Variants in NAT10 observed in about 807,000 individuals in gnomAD.
The protein encoded by NAT10 is N-acetyltransferase 10.
Under a neutral mutation model 132.2 loss-of-function variants are expected in NAT10, and 109 were observed. The ratio of observed to expected loss-of-function variants is 0.82; its 90% CI spans 0.71 to 0.97. NAT10 has a LOEUF of 0.97. Among genes scored for constraint, NAT10 ranks in the 50% least tolerant of loss-of-function variants. The probability of loss-of-function intolerance (pLI) is 0.00; values close to 1 mark genes in which losing one functional copy is unlikely to be tolerated. For missense variants in NAT10, 1,184 were observed against 1,263.4 expected (o/e 0.94, Z 0.95); for synonymous variants, 479 against 478.0 (o/e 1.00, Z -0.03).
At chr11:34,131,303 A>G (rs1171179846) in intron 13 of NAT10, 78 bp from the exon 14 acceptor site, 1 of 1,518,692 alleles carries the variant, frequency 6.6e-7, no homozygotes, top group East Asian at 2.3e-5. Flanking sequence ...TATAAAGTGA[A>G]ACATTTTTCC....
intron 3 of NAT10, 40 bp from the exon 4 acceptor site, chr11:34,112,012 G>A (rs1419361725): frequency 1.2e-6 from 2 of 1,610,500 alleles, no homozygotes; most frequent in Non-Finnish European, 1.7e-6. Context: ...AGCTGCTCTG[G>A]TTAACTGGCT....
chr11:34,118,443 G>A lies in NAT10; in HGVS notation c.720G>A (p.Glu240=), dbSNP rs367962262. The change falls in exon 8 of 29, where the codon GAG becomes GAA. Residue 240 remains glutamate, a synonymous_variant. Coordinates refer to ENST00000257829, the MANE Select transcript of NAT10 (RefSeq NM_024662.3). ...PSDLELRELK[E]SLQDTQPVGV... ...ATCTGGAGCTGAGGGAGTTGAAGGA[G>A]AGCTTGCAGGACACCCAGCCTGTGG... 34 of 1,614,072 alleles carry A rather than the reference G, an allele frequency of 2.1e-5. No homozygotes were observed. The highest frequency in any genetic ancestry group is 3.3e-5 in the Admixed American group (2 of 60,012).
At chr11:34,112,742 T>TGTGTATTCTCTTGCCTGGC (rs1181994129) in intron 4 of NAT10, among the ~76,000 whole-genome samples, 2 of 152,220 alleles carry the variant, frequency 1.3e-5, no homozygotes, top group African/African-American at 4.8e-5. Flanking sequence ...TCTGCACTGG[T>TGTGTATTCTCTTGCCTGGC]GTGTATTCTC....
chr11:34,141,457 C>T (rs1232465617), intron 25 of NAT10, among the ~76,000 whole-genome samples: 3 of 151,556 alleles, frequency 2.0e-5, no homozygotes, highest in Non-Finnish European at 2.9e-5. Flanking sequence ...CACACGTGCG[C>T]GCGCAAATAC....
At chr11:34,132,745 C>G (rs909098494) in intron 15 of NAT10, among the ~76,000 whole-genome samples, 6 of 152,162 alleles carry the variant, frequency 3.9e-5, no homozygotes, top group Non-Finnish European at 5.9e-5. Context: ...AGTTCACTTC[C>G]TAGCTGTGAA....
At chr11:34,127,032 T>C (rs1337416135) in intron 11 of NAT10, among the ~76,000 whole-genome samples, 2 of 152,136 alleles carry the variant, frequency 1.3e-5, no homozygotes, top group East Asian at 1.9e-4. Flanking sequence ...GCTCATCGGC[T>C]TTCCTTATCT....
At chr11:34,144,877 C>T (rs145287375) in intron 28 of NAT10, among the ~76,000 whole-genome samples, 3 of 152,310 alleles carry the variant, frequency 2.0e-5, no homozygotes, top group East Asian at 3.9e-4. Flanking sequence ...TGGAAACATT[C>T]GGGAAGAGGA....
intron 3 of NAT10, among the ~76,000 whole-genome samples, chr11:34,111,160 C>G (rs1851687653): frequency 6.6e-6 from 1 of 152,232 alleles, no homozygotes; most frequent in Non-Finnish European, 1.5e-5. Flanking sequence ...GGCTTCACTT[C>G]TAAAAATCTA....
Position 34,110,520 on chromosome 11 carries a change from C to T in NAT10, c.201-1532C>T, listed in dbSNP as rs976616528. On this transcript the variant is annotated intron_variant, in intron 3 of 28. Coordinates refer to ENST00000257829, the MANE Select transcript of NAT10 (RefSeq NM_024662.3). ...ATGCTTTTGCTTTAGGGTAAAGTCACTTACATACTGTGACTTACGTTCATT... is the reference window on the plus strand; with the variant it reads ...ATGCTTTTGCTTTAGGGTAAAGTCATTTACATACTGTGACTTACGTTCATT... 5.7e-5 allele frequency among the ~76,000 whole-genome samples: 8 copies of T among 141,534 alleles called. No individual in the cohort carries two copies. In the South Asian group the frequency reaches 1.8e-3, roughly 32 times the overall value. The allele number at this position is 141,534 out of a possible 152,430, so 92.9% of individuals were successfully genotyped here.
At chr11:34,111,917 G>A in intron 3 of NAT10, 135 bp from the exon 4 acceptor site, 2 of 960,702 alleles carry the variant, frequency 2.1e-6, no homozygotes, top group Non-Finnish European at 1.6e-6. Flanking sequence ...TCCACCTGAA[G>A]TGGGCCTCAC....
chr11:34,135,073 AG>A, intron 18 of NAT10, 101 bp from the exon 19 acceptor site: 3 of 861,058 alleles, frequency 3.5e-6, no homozygotes, highest in Non-Finnish European at 3.8e-6. Flanking sequence ...GCTGTTTGAC[AG>A]GGAGGGAAGG....
chr11:34,108,852 G>A lies in NAT10; in HGVS notation c.200+19G>A. 6.3e-7 allele frequency: 1 copy of A among 1,596,262 alleles called. No homozygotes were observed. Among genetic ancestry groups the A allele is most frequent in the Non-Finnish European group, 8.5e-7 (1 of 1,171,918 alleles). ...TTAGCAGGTAAGCTGGGCTCTTCATGTGTTTTATCCAACTTACAATTCCTG... is the reference window on the plus strand; with the variant it reads ...TTAGCAGGTAAGCTGGGCTCTTCATATGTTTTATCCAACTTACAATTCCTG... On this transcript the variant is annotated intron_variant, in intron 3 of 28. Transcript: ENST00000257829.
At chr11:34,118,090 G>A (rs1309706995) in intron 6 of NAT10, 90 bp from the exon 7 acceptor site, 1 of 1,043,828 alleles carries the variant, frequency 9.6e-7, no homozygotes, top group South Asian at 1.5e-5. Flanking sequence ...AGACACTTGG[G>A]GCCAGTTAAT....
At position 34,134,346 on chromosome 11, in the gene NAT10, C is replaced by T; in HGVS notation, c.1762C>T (p.Gln588Ter). ...QVCLEGEISR[Q>*]SILNSLSRGK... ...GTGCCTTGAAGGGGAGATTTCTCGC[C>T]AGTCCATCTTGAACAGTCTGTCTCG... Residue 588 changes from glutamine to a stop codon, truncating the protein, a stop_gained, in exon 17 of 29, where the codon CAG becomes TAG. Coordinates refer to ENST00000257829, the MANE Select transcript of NAT10 (RefSeq NM_024662.3). LOFTEE classifies it high-confidence loss of function. The T allele has an allele frequency of 6.2e-7, 1 of 1,614,220 alleles. No individual in the cohort carries two copies. Among genetic ancestry groups the T allele is most frequent in the South Asian group, 1.1e-5 (1 of 91,082 alleles).
In NAT10 at chr11:34,118,141, C is replaced by T. The variant is rs761891482; in HGVS notation, c.558-39C>T. On this transcript the variant is annotated intron_variant, in intron 6 of 28. Transcript: ENST00000257829. Reference sequence around the variant, plus strand: ...TTATACTCTGTATAGACATTGCATGCCCTCCCCAACACTTCATTGCAGCGG... The same window carrying T: ...TTATACTCTGTATAGACATTGCATGTCCTCCCCAACACTTCATTGCAGCGG... The T allele has an allele frequency of 2.6e-5, 39 of 1,486,476 alleles. No individual in the cohort carries two copies. In the East Asian group the frequency reaches 7.9e-4, roughly 30 times the overall value. 92.1% of individuals were successfully genotyped at this position (1,486,476 alleles called of 1,614,324 possible). A position where few individuals can be genotyped will look rare whatever the true frequency, so the allele number is the denominator to read the frequency against.
intron 1 of NAT10, among the ~76,000 whole-genome samples, chr11:34,106,660 G>GGAA (rs1205251001): frequency 2.0e-5 from 3 of 152,172 alleles, no homozygotes; most frequent in Non-Finnish European, 4.4e-5. Context: ...TGGCGAACTG[G>GGAA]GAAGAGCTCA....
intron 3 of NAT10, among the ~76,000 whole-genome samples, chr11:34,110,311 T>C (rs1415366024): frequency 1.3e-5 from 2 of 151,768 alleles, no homozygotes; most frequent in Non-Finnish European, 1.5e-5. Context: ...CCTCCCTCCT[T>C]TTCTTTGCTC....
rs778826697 is a variant in NAT10, at chr11:34,113,742, G to T, written c.399G>T (p.Leu133Phe). The T allele has an allele frequency of 1.4e-5, 22 of 1,611,212 alleles. No homozygotes were observed. The highest frequency in any genetic ancestry group is 2.7e-5 in the African/African-American group (2 of 74,256). Reference sequence around the variant, plus strand: ...ATTTTGAAGCCTTAACTCCAAACTTGCTGGCCAGGACTGTAGAAACAGTGG... The same window carrying T: ...ATTTTGAAGCCTTAACTCCAAACTTTCTGGCCAGGACTGTAGAAACAGTGG... ...LQDFEALTPN[L>F]LARTVETVEG... The change falls in exon 5 of 29, where the codon TTG (leucine) becomes TTT (phenylalanine). Residue 133 changes from leucine to phenylalanine, a missense_variant. Coordinates refer to ENST00000257829, the MANE Select transcript of NAT10 (RefSeq NM_024662.3).
At position 34,132,118 on chromosome 11, in the gene NAT10, G is replaced by C; in HGVS notation, c.1521-7G>C. The C allele has an allele frequency of 6.2e-7, 1 of 1,609,418 alleles. No individual in the cohort carries two copies. The highest frequency in any genetic ancestry group is 8.5e-7 in the Non-Finnish European group (1 of 1,175,808). ...GTTTTGTTTTGGTTTCTTAACTCCA[G>C]ACCCAGGTACTATGTTAATAGAGAT... is the stretch of plus-strand genomic sequence containing the variant. On this transcript the variant is annotated splice_region_variant and splice_polypyrimidine_tract_variant and intron_variant, in intron 14 of 28. Transcript: ENST00000257829.
Sources: allele counts gnomAD v4.1 joint callset (sites outside exome capture counted in the v4.1 genomes callset), GRCh38; gene constraint gnomAD v4.1.1; transcripts MANE v1.5; gene names NCBI Gene and HGNC (gene_info 2026-07-23, HGNC 2026-07-21).